The following SMYD3 variants were observed in gnomAD, a reference collection of about 807,000 sequenced individuals.
SMYD3 encodes histone-lysine N-methyltransferase SMYD3.
In SMYD3, 36 loss-of-function variants were observed where a neutral mutation model predicts 57.7. That is an observed-to-expected ratio of 0.62 (90% CI 0.48 to 0.82). The LOEUF is 0.82. Among genes scored for constraint, SMYD3 ranks in the 40% least tolerant of loss-of-function variants. The probability of loss-of-function intolerance (pLI) is 0.00; values close to 1 mark genes in which losing one functional copy is unlikely to be tolerated. For missense variants in SMYD3, 515 were observed against 538.8 expected (o/e 0.96, Z 0.44); for synonymous variants, 211 against 195.0 (o/e 1.08, Z -0.68).
chr1:245,827,443 C>T (rs2049566694), intron 10 of SMYD3, among the ~76,000 whole-genome samples: 1 of 152,180 alleles, frequency 6.6e-6, no homozygotes. Flanking sequence ...TTCCACTTGC[C>T]TCCGGCCCAC....
chr1:246,094,846 C>T (rs2060885399), intron 5 of SMYD3, among the ~76,000 whole-genome samples: 1 of 152,138 alleles, frequency 6.6e-6, no homozygotes, highest in Non-Finnish European at 1.5e-5. Flanking sequence ...ATCTAACCTG[C>T]ATCTAAATCT....
At chr1:245,985,522 T>G (rs1311098919) in intron 5 of SMYD3, among the ~76,000 whole-genome samples, 1 of 152,162 alleles carries the variant, frequency 6.6e-6, no homozygotes, top group Non-Finnish European at 1.5e-5. Context: ...AACATGTCCT[T>G]ACGTCTCAAG....
At chr1:245,929,132 T>G (rs1236751451) in intron 6 of SMYD3, among the ~76,000 whole-genome samples, 2 of 152,228 alleles carry the variant, frequency 1.3e-5, no homozygotes, top group Non-Finnish European at 1.5e-5. Flanking sequence ...GTGATGGAAT[T>G]TGGACCAGGT....
At chr1:246,003,089 AG>A (rs751181161) in intron 5 of SMYD3, among the ~76,000 whole-genome samples, 101 of 152,358 alleles carry the variant, frequency 6.6e-4, no homozygotes, top group Middle Eastern at 6.8e-3. Context: ...ATTGGTGAGC[AG>A]GGAAGAGATA....
At chr1:246,296,697 T>TA (rs1343889724) in intron 5 of SMYD3, among the ~76,000 whole-genome samples, 2 of 152,156 alleles carry the variant, frequency 1.3e-5, no homozygotes, top group African/African-American at 4.8e-5. Context: ...AGACATTTGT[T>TA]AAAATCACAG....
chr1:245,843,975 G>A (rs756868258), intron 10 of SMYD3, among the ~76,000 whole-genome samples: 2 of 152,140 alleles, frequency 1.3e-5, no homozygotes, highest in Non-Finnish European at 2.9e-5. Context: ...CACTTCCAAC[G>A]ATGGAGTGTT....
intron 5 of SMYD3, chr1:246,113,688 G>A (rs2061292620): frequency 6.6e-6 from 1 of 152,214 alleles, no homozygotes; most frequent in African/African-American, 2.4e-5. Context: ...TTCTCCCACA[G>A]ACAGGGAGGT....
At chr1:246,474,336 G>A (rs1385016282) in intron 1 of SMYD3, among the ~76,000 whole-genome samples, 7 of 152,122 alleles carry the variant, frequency 4.6e-5, no homozygotes, top group South Asian at 2.1e-4. Context: ...TGGCTAACAC[G>A]GTGAAATCCT....
intron 1 of SMYD3, among the ~76,000 whole-genome samples, chr1:246,477,354 T>A (rs2068042700): frequency 6.6e-6 from 1 of 152,182 alleles, no homozygotes; most frequent in African/African-American, 2.4e-5. Flanking sequence ...TACCATGATG[T>A]CAGAAAAAAA....
At chr1:246,105,632 CA>C (rs1203314179) in intron 5 of SMYD3, among the ~76,000 whole-genome samples, 1 of 152,172 alleles carries the variant, frequency 6.6e-6, no homozygotes, top group Non-Finnish European at 1.5e-5. Context: ...ATAACACAGA[CA>C]ACGGATTTAT....
At position 246,247,480 on chromosome 1, in the gene SMYD3, TATA is replaced by T. The variant is rs1200613120; in HGVS notation, c.531+79718_531+79720del. On this transcript the variant is annotated intron_variant, in intron 5 of 11. Transcript: ENST00000490107. ...CTCTCTCTCTCTATATATATATATA[TATA>T]TATTTTTTAACATGGGACTCATATA... is the stretch of plus-strand genomic sequence containing the variant. Among the ~76,000 whole-genome samples, 57 of 144,912 alleles carry T rather than the reference TATA, an allele frequency of 3.9e-4. 1 individual carries two copies. The highest frequency in any genetic ancestry group is 1.5e-3 in the African/African-American group (57 of 38,736).
intron 10 of SMYD3, among the ~76,000 whole-genome samples, chr1:245,817,565 G>C (rs2048924375): frequency 6.6e-6 from 1 of 152,106 alleles, no homozygotes; most frequent in Non-Finnish European, 1.5e-5. Flanking sequence ...TTGATGACCT[G>C]AGAGAAGAAG....
At chr1:245,850,577 TC>T (rs2050916896) in intron 10 of SMYD3, among the ~76,000 whole-genome samples, 1 of 151,804 alleles carries the variant, frequency 6.6e-6, no homozygotes, top group African/African-American at 2.4e-5. Flanking sequence ...GTGCCTGTGG[TC>T]CCCCCTCATC....
At chr1:246,269,834 A>C (rs2064184444) in intron 5 of SMYD3, among the ~76,000 whole-genome samples, 1 of 152,000 alleles carries the variant, frequency 6.6e-6, no homozygotes, top group Admixed American at 6.6e-5. Context: ...CAGCCTCCCA[A>C]AGTGCTGGGA....
At chr1:246,325,715 G>C (rs1014919953) in intron 5 of SMYD3, 1 of 151,980 alleles carries the variant, frequency 6.6e-6, no homozygotes, top group East Asian at 1.9e-4. Flanking sequence ...TATTTTTCAT[G>C]GATATTAATA....
At chr1:246,194,278 T>G (rs1373497356) in intron 5 of SMYD3, among the ~76,000 whole-genome samples, 1 of 151,922 alleles carries the variant, frequency 6.6e-6, no homozygotes. Flanking sequence ...TTTTGTTTTT[T>G]TTTTTTTGAC....
chr1:246,113,545 G>A (rs1438373238), intron 5 of SMYD3: 1 of 152,170 alleles, frequency 6.6e-6, no homozygotes, highest in African/African-American at 2.4e-5. Context: ...GTATAAAAAG[G>A]CATCGGTATA....
At chr1:246,219,687 A>G (rs114461105) in intron 5 of SMYD3, among the ~76,000 whole-genome samples, 2,740 of 152,282 alleles carry the variant, frequency 0.018, 82 homozygotes, top group Admixed American at 0.085. Context: ...AGCAGAGCTA[A>G]AAGGTCACTG....
At chr1:245,817,024 T>G (rs576178842) in intron 10 of SMYD3, among the ~76,000 whole-genome samples, 4 of 151,428 alleles carry the variant, frequency 2.6e-5, no homozygotes, top group Admixed American at 2.6e-4. Context: ...GCCGGGAAGC[T>G]CGAACTGGGT....
Sources: gnomAD v4.1 joint callset for allele counts (sites outside exome capture counted in the v4.1 genomes callset) on GRCh38, gnomAD v4.1.1 for gene constraint, MANE v1.5 for transcripts, NCBI Gene and HGNC (gene_info 2026-07-23, HGNC 2026-07-21) for gene names.